Variants in DCAF8L2 observed in about 807,000 individuals in gnomAD.
DCAF8L2 encodes DDB1 and CUL4 associated factor 8 like 2.
For synonymous variants in DCAF8L2, 200 were observed against 190.9 expected (o/e 1.05, Z -0.39); for missense variants, 430 against 490.7 (o/e 0.88, Z 1.17).
At chrX:27,614,621 T>C (rs1374396884) in intron 1 of DCAF8L2, among the ~76,000 whole-genome samples, 2 of 112,020 alleles carry the variant, frequency 1.8e-5, no homozygotes, top group Non-Finnish European at 3.8e-5. Context: ...CACACTGCTT[T>C]AAATGTGTCC....
the DCAF8L2 span, among the ~76,000 whole-genome samples, chrX:27,583,636 G>A: frequency 9.0e-6 from 1 of 111,264 alleles, no homozygotes; most frequent in Admixed American, 9.6e-5. Context: ...AGCGGTAGGT[G>A]AGCGAGCTTT....
chrX:27,481,916 T>C, the DCAF8L2 span, among the ~76,000 whole-genome samples: 5 of 111,849 alleles, frequency 4.5e-5, no homozygotes, highest in Admixed American at 4.8e-4. Context: ...GGTGATCAAC[T>C]AGCAAAGAGT....
At chrX:27,519,619 G>A in the DCAF8L2 span, 3,095 of 639,347 alleles carry the variant, frequency 4.8e-3, 8 homozygotes, top group Non-Finnish European at 6.4e-3. Context: ...TGAGAATAAT[G>A]CTGAGGCTAG....
chrX:27,530,353 C>A, the DCAF8L2 span, among the ~76,000 whole-genome samples: 19 of 110,535 alleles, frequency 1.7e-4, no homozygotes, highest in Admixed American at 1.5e-3. Context: ...TACTCCCCCC[C>A]CAAACCCCGC....
the DCAF8L2 span, among the ~76,000 whole-genome samples, chrX:27,536,963 A>G: frequency 1.3e-4 from 14 of 111,936 alleles, no homozygotes; most frequent in African/African-American, 4.5e-4. Context: ...TACATATCAA[A>G]CTTATGATTA....
At chrX:27,735,651 T>C (rs996639199) in intron 4 of DCAF8L2, among the ~76,000 whole-genome samples, 3 of 112,039 alleles carry the variant, frequency 2.7e-5, no homozygotes, top group Non-Finnish European at 5.6e-5. Flanking sequence ...TGCTGTGTCT[T>C]CTACTTTCTA....
rs1257060343 is a variant in DCAF8L2, at chrX:27,749,316, GCA to G, written c.*534_*535del. Among the ~76,000 whole-genome samples, 2 of 111,307 alleles carry G rather than the reference GCA, an allele frequency of 1.8e-5. No individual in the cohort carries two copies. The highest frequency in any genetic ancestry group is 3.8e-5 in the Non-Finnish European group (2 of 53,082). On this transcript the variant is annotated 3_prime_UTR_variant, in exon 5 of 5. Transcript: ENST00000451261. ...GTTCTGTCGATACTGACACTTGGCC[GCA>G]CACACACAGTCTCAGAAAAGGAAAA...
chrX:27,519,213 G>A, the DCAF8L2 span: 8 of 1,060,146 alleles, frequency 7.5e-6, no homozygotes, highest in East Asian at 1.8e-4. Flanking sequence ...GTCTAAGACA[G>A]ATTGAAGAAC....
the DCAF8L2 span, among the ~76,000 whole-genome samples, chrX:27,529,626 T>C: frequency 8.9e-6 from 1 of 111,796 alleles, no homozygotes; most frequent in Admixed American, 9.5e-5. Context: ...AGTCAAGTGA[T>C]TCTCAAAACC....
At chrX:27,664,753 C>T (rs768043421) in intron 2 of DCAF8L2, among the ~76,000 whole-genome samples, 5 of 111,131 alleles carry the variant, frequency 4.5e-5, no homozygotes, top group African/African-American at 1.6e-4. Context: ...ATTCATTTAC[C>T]ATTCCTAAGA....
intron 2 of DCAF8L2, among the ~76,000 whole-genome samples, chrX:27,665,597 C>T (rs1929712097): frequency 9.0e-6 from 1 of 111,730 alleles, no homozygotes. Context: ...TGCTATCAAA[C>T]AGCATCACAT....
the DCAF8L2 span, among the ~76,000 whole-genome samples, chrX:27,520,267 T>G: frequency 8.9e-6 from 1 of 112,158 alleles, no homozygotes; most frequent in Non-Finnish European, 1.9e-5. Context: ...ACCCCAATAT[T>G]CATTATTTAG....
the DCAF8L2 span, among the ~76,000 whole-genome samples, chrX:27,495,924 C>G: frequency 9.0e-6 from 1 of 111,391 alleles, no homozygotes; most frequent in Non-Finnish European, 1.9e-5. Context: ...TTTGTATTTC[C>G]TGTGCATATT....
In DCAF8L2 at chrX:27,710,486, ATTC is replaced by A. The variant is rs1490172977; in HGVS notation, c.-142-5597_-142-5595del. On this transcript the variant is annotated intron_variant, in intron 3 of 4. Coordinates refer to ENST00000451261, the MANE Select transcript of DCAF8L2 (RefSeq NM_001353450.2). ...TGTTTGTCAGTGTTCTCTAGTCTCA[ATTC>A]TTCTGTCTTTCGTGTCTTTTGTTAA... 7.5e-4 allele frequency among the ~76,000 whole-genome samples: 84 copies of A among 111,349 alleles called. 1 individual carries two copies. The highest frequency in any genetic ancestry group is 2.6e-3 in the African/African-American group (79 of 30,738).
upstream of DCAF8L2, among the ~76,000 whole-genome samples, chrX:27,587,960 C>T (rs1472404080): frequency 6.5e-5 from 4 of 61,612 alleles, no homozygotes; most frequent in African/African-American, 2.6e-4. Context: ...ACTGAAGTGA[C>T]TTCAGTACTT....
the DCAF8L2 span, among the ~76,000 whole-genome samples, chrX:27,538,385 TTTTATTTATTTA>T: frequency 9.1e-6 from 1 of 110,322 alleles, no homozygotes; most frequent in East Asian, 2.8e-4. Context: ...CAACAAAAAT[TTTTATTTATTTA>T]TTTATTTATT....
chrX:27,614,340 T>C (rs960824027), intron 1 of DCAF8L2, among the ~76,000 whole-genome samples: 4 of 111,475 alleles, frequency 3.6e-5, no homozygotes, highest in Non-Finnish European at 5.6e-5. Context: ...GATTTTTCTC[T>C]CTTTTCTTCT....
At chrX:27,483,675 T>A in the DCAF8L2 span, among the ~76,000 whole-genome samples, 1 of 111,205 alleles carries the variant, frequency 9.0e-6, no homozygotes, top group Non-Finnish European at 1.9e-5. Context: ...CTACAAACAA[T>A]AAAGGTTTCC....
Position 27,747,579 on chromosome X carries a change from C to G in DCAF8L2, c.684C>G (p.Val228=), listed in dbSNP as rs1164637843. The G allele has an allele frequency of 1.8e-5, 22 of 1,191,041 alleles. No homozygotes were observed. The highest frequency in any genetic ancestry group is 2.3e-4 in the Middle Eastern group (1 of 4,349). Residue 228 remains valine (V), a synonymous_variant, in exon 5 of 5, where the codon GTC becomes GTG. Coordinates refer to ENST00000451261, the MANE Select transcript of DCAF8L2 (RefSeq NM_001353450.2). ...FRLQYRLADH[V]GCVNTVHFNQ... ...TGCAATATCGTCTTGCAGACCATGT[C>G]GGCTGTGTCAATACTGTACACTTTA...
Sources: gnomAD v4.1 joint callset for allele counts (sites outside exome capture counted in the v4.1 genomes callset) on GRCh38, gnomAD v4.1.1 for gene constraint, MANE v1.5 for transcripts, NCBI Gene and HGNC (gene_info 2026-07-23, HGNC 2026-07-21) for gene names.